The following SETD2 variants were observed in gnomAD, a reference collection of about 807,000 sequenced individuals.
SETD2 encodes the protein SET domain containing 2, histone lysine methyltransferase, also known as histone-lysine N-methyltransferase SETD2.
Under a neutral mutation model 242.1 loss-of-function variants are expected in SETD2, and 31 were observed. The ratio of observed to expected loss-of-function variants is 0.13; its 90% confidence interval spans 0.10 to 0.17. The LOEUF (loss-of-function observed/expected upper bound fraction) is 0.17, where lower values mean the gene tolerates loss of function less well. Among genes scored for constraint, SETD2 ranks in the 10% least tolerant of loss-of-function variants. SETD2 has a pLI of 1.00. For synonymous variants in SETD2, 1,006 were observed against 1,066.5 expected, an observed-to-expected ratio of 0.94 and a Z score of 1.11; for missense variants, 2,481 against 3,046.3, an observed-to-expected ratio of 0.81 and a Z score of 4.37.
At chr3:47,156,606 T>C (rs1267446946) in intron 1 of SETD2, among the ~76,000 whole-genome samples, 1 of 152,144 alleles carries the variant, frequency 6.6e-6, no homozygotes, top group Non-Finnish European at 1.5e-5. Flanking sequence ...TTTCCATACT[T>C]ACCAGCAAAC....
At chr3:47,110,967 A>G (rs1199082028) in intron 5 of SETD2, among the ~76,000 whole-genome samples, 1 of 151,206 alleles carries the variant, frequency 6.6e-6, no homozygotes, top group Non-Finnish European at 1.5e-5. Flanking sequence ...CAGAATTTAG[A>G]TCAGGTTTGA....
intron 5 of SETD2, among the ~76,000 whole-genome samples, chr3:47,107,314 G>A (rs1346209656): frequency 6.6e-6 from 1 of 151,830 alleles, no homozygotes; most frequent in Non-Finnish European, 1.5e-5. Flanking sequence ...CATAATCAAT[G>A]TACTTATTAA....
chr3:47,112,658 C>G (rs1396102165), intron 5 of SETD2, among the ~76,000 whole-genome samples: 1 of 152,036 alleles, frequency 6.6e-6, no homozygotes, highest in Admixed American at 6.6e-5. Flanking sequence ...GGCATGATCT[C>G]GGCTCACTGC....
At chr3:47,052,015 A>G (rs2107563776) in intron 15 of SETD2, among the ~76,000 whole-genome samples, 2 of 152,338 alleles carry the variant, frequency 1.3e-5, no homozygotes, top group South Asian at 4.1e-4. Flanking sequence ...TTATGTTAAA[A>G]GCCTAGACTT....
intron 3 of SETD2, among the ~76,000 whole-genome samples, chr3:47,117,366 A>G (rs1018940322): frequency 3.3e-5 from 5 of 151,938 alleles, no homozygotes; most frequent in African/African-American, 1.2e-4. Flanking sequence ...TCATTCTGGA[A>G]CTCAGCCCTT....
intron 9 of SETD2, among the ~76,000 whole-genome samples, chr3:47,090,437 T>A (rs981992657): frequency 5.9e-5 from 9 of 152,132 alleles, no homozygotes; most frequent in Non-Finnish European, 1.0e-4. Flanking sequence ...TCGCCCAGAC[T>A]GGAGTGCAGT....
chr3:47,030,669 G>GGAA (rs2038722671), intron 18 of SETD2, among the ~76,000 whole-genome samples: 1 of 151,910 alleles, frequency 6.6e-6, no homozygotes, highest in Non-Finnish European at 1.5e-5. Context: ...GACATATGGG[G>GGAA]GAAAAAGATA....
At position 47,076,313 on chromosome 3, in the gene SETD2, C is replaced by G. The variant is rs192645745; in HGVS notation, c.6060+7407G>C. 1.7e-3 allele frequency among the ~76,000 whole-genome samples: 254 copies of G among 152,242 alleles called. 2 individuals are homozygous for G. The highest frequency in any genetic ancestry group is 2.5e-3 in the Admixed American group (38 of 15,296). On this transcript the variant is annotated intron_variant, in intron 12 of 20. Transcript: ENST00000409792. ...GGAGACTGCAGAAATAAATGGAAAC[C>G]AGACCATGGCCAGGCATGCAAGCCA...
chr3:47,025,375 T>A (rs2038427427), intron 18 of SETD2, among the ~76,000 whole-genome samples: 1 of 152,194 alleles, frequency 6.6e-6, no homozygotes, highest in South Asian at 2.1e-4. Context: ...TCCAATTTGA[T>A]TTCACTATTA....
chr3:47,122,847 C>G lies in SETD2; in HGVS notation c.1789G>C (p.Gly597Arg), dbSNP rs759435874. 6.2e-7 allele frequency: 1 copy of G among 1,613,292 alleles called. No individual in the cohort carries two copies. The highest frequency in any genetic ancestry group is 1.1e-5 in the South Asian group (1 of 90,964). ...SFSLQTPCSK[G>R]SELRMINKNP... ...TTATTAATCATTCTTAATTCACTAC[C>G]TTTTGAACAAGGTGTCTGTAAACTA... Residue 597 changes from glycine to arginine, a missense_variant, in exon 3 of 21, where the codon GGT becomes CGT. By Grantham distance (125) the Gly-to-Arg change is moderately radical. Around this residue, in one of 17 missense-constraint regions of SETD2, gnomAD observed 1,300 missense variants for 1,259.2 expected, o/e 1.03. Transcript: ENST00000409792.
At chr3:47,076,008 C>A (rs1461036181) in intron 12 of SETD2, among the ~76,000 whole-genome samples, 1 of 152,218 alleles carries the variant, frequency 6.6e-6, no homozygotes, top group Admixed American at 6.5e-5. Flanking sequence ...TCACAGGACA[C>A]TGGGAAGACC....
intron 12 of SETD2, 21 bp downstream of exon 12, chr3:47,083,699 G>T: frequency 1.9e-6 from 3 of 1,574,998 alleles, no homozygotes; most frequent in South Asian, 2.4e-5. Flanking sequence ...AAGTTGAAAT[G>T]AACAAAAGAT....
chr3:47,094,715 C>T (rs915008642), intron 9 of SETD2, among the ~76,000 whole-genome samples: 3 of 152,208 alleles, frequency 2.0e-5, no homozygotes, highest in African/African-American at 7.2e-5. Context: ...TCTTTCACAT[C>T]ATTCTAGGAA....
chr3:47,021,257 C>G (rs1265373796), intron 18 of SETD2, among the ~76,000 whole-genome samples: 2 of 152,114 alleles, frequency 1.3e-5, no homozygotes, highest in African/African-American at 2.4e-5. Context: ...TTGTAGCTCT[C>G]AGAAGTCAGC....
rs2044094198 is a variant in SETD2, at chr3:47,154,979, G to A, written c.71+8875C>T. ...ACCGCACTCCAGCCTGGGCGACAGA[G>A]CAAGACTCCATCTCAAAAAAAAAAA... On this transcript the variant is annotated intron_variant, in intron 1 of 20. Coordinates refer to ENST00000409792, the MANE Select transcript of SETD2 (RefSeq NM_014159.7). Among the ~76,000 whole-genome samples, 4 of 150,842 alleles carry A rather than the reference G, an allele frequency of 2.7e-5. No individual in the cohort carries two copies. The South Asian group carries it at 8.3e-4, about 31-fold the overall frequency.
At position 47,039,227 on chromosome 3, in the gene SETD2, T is replaced by A. The variant is rs574757686; in HGVS notation, c.7239-1450A>T. Among the ~76,000 whole-genome samples, 45 of 151,938 alleles carry A rather than the reference T, an allele frequency of 3.0e-4. 1 individual carries two copies. The highest frequency in any genetic ancestry group is 2.9e-3 in the East Asian group (15 of 5,162). ...AGAAATACAAACTTTTTTTTTTTTTTATTCTGATATGGAGTCTCGCTCTGT... is the reference window on the plus strand; with the variant it reads ...AGAAATACAAACTTTTTTTTTTTTTAATTCTGATATGGAGTCTCGCTCTGT... On this transcript the variant is annotated intron_variant, in intron 17 of 20. Coordinates refer to ENST00000409792, the MANE Select transcript of SETD2 (RefSeq NM_014159.7).
chr3:47,064,176 T>C (rs545957542), intron 13 of SETD2, among the ~76,000 whole-genome samples: 16 of 152,324 alleles, frequency 1.1e-4, no homozygotes, highest in African/African-American at 3.8e-4. Flanking sequence ...AAATGTTCTA[T>C]GGGTTGTTTT....
intron 9 of SETD2, among the ~76,000 whole-genome samples, chr3:47,091,066 A>G (rs2041784207): frequency 1.3e-5 from 2 of 152,208 alleles, no homozygotes; most frequent in Admixed American, 1.3e-4. Context: ...TTTAAGGCTC[A>G]TTCTTTTTCA....
At position 47,039,884 on chromosome 3, in the gene SETD2, CAAAAAA is replaced by C. The variant is rs201543639; in HGVS notation, c.7239-2113_7239-2108del. ...GGCAACAAAAGTGAAAACTCTGTCT[CAAAAAA>C]AAAAAAAAAAAGTTCTGGTTAAACC... On this transcript the variant is annotated intron_variant, in intron 17 of 20. Coordinates refer to ENST00000409792, the MANE Select transcript of SETD2 (RefSeq NM_014159.7). Among the ~76,000 whole-genome samples, 5 of 75,030 alleles carry C rather than the reference CAAAAAA, an allele frequency of 6.7e-5. No individual in the cohort carries two copies. In the Admixed American group the frequency reaches 6.9e-4, roughly 10 times the overall value. 49.2% of individuals were successfully genotyped at this position (75,030 alleles called of 152,430 possible). A position where few individuals can be genotyped will look rare whatever the true frequency, so the allele number is the denominator to read the frequency against.
Sources: gnomAD v4.1 joint callset for allele counts (sites outside exome capture counted in the v4.1 genomes callset) on GRCh38, gnomAD v4.1.1 for gene constraint, gnomAD v4.1.1 regional missense constraint, MANE v1.5 for transcripts, NCBI Gene and HGNC (gene_info 2026-07-23, HGNC 2026-07-21) for gene names.